ANKRD17: variants seen among roughly 807,000 people sequenced by gnomAD.
ANKRD17 encodes ankyrin repeat domain 17.
In ANKRD17, 19 loss-of-function variants were observed where a neutral mutation model predicts 229.7. That is an observed-to-expected ratio of 0.08 (90% CI 0.06 to 0.12). The LOEUF is 0.12. Ranked by LOEUF, ANKRD17 falls within the 10% of genes least tolerant of loss-of-function variation. ANKRD17 has a pLI of 1.00. For synonymous variants in ANKRD17, 1,112 were observed against 1,146.1 expected (o/e 0.97, Z 0.60); for missense variants, 2,176 against 3,176.8 (o/e 0.68, Z 7.57).
chr4:73,142,283 C>A lies in ANKRD17; in HGVS notation c.2188G>T (p.Asp730Tyr). ...GATGGGGGAGTTAACTGAGTGACAT[C>A]TGGTGGAGGGGCTGAAAGCAAGTTA... ...PNNLLSAPPP[D>Y]VTQLTPPSHD... The change falls in exon 13 of 34, where the codon GAT (aspartate) becomes TAT (tyrosine). Residue 730 changes from aspartate (D) to tyrosine (Y), a missense_variant. By Grantham distance (160) the Asp-to-Tyr change is radical (BLOSUM62 -3). Transcript: ENST00000358602. The A allele has an allele frequency of 6.4e-7, 1 of 1,556,566 alleles. No individual in the cohort carries two copies. Among genetic ancestry groups the A allele is most frequent in the Non-Finnish European group, 8.6e-7 (1 of 1,164,382 alleles).
intron 5 of ANKRD17, among the ~76,000 whole-genome samples, chr4:73,155,040 CAA>C (rs528971172): frequency 5.5e-4 from 33 of 59,574 alleles, no homozygotes; most frequent in African/African-American, 1.2e-3. Flanking sequence ...GACTCCGTCT[CAA>C]AAAAAAAAAA....
At chr4:73,216,440 ATT>A (rs1489638756) in intron 1 of ANKRD17, among the ~76,000 whole-genome samples, 3 of 152,230 alleles carry the variant, frequency 2.0e-5, no homozygotes, top group Non-Finnish European at 4.4e-5. Context: ...ATTTAAAACT[ATT>A]GCTCTAATAA....
rs1402708091 is a variant in ANKRD17 at position 73,153,964 on chromosome 4, T to G, written c.1150A>C (p.Arg384=). ...AGSAGHVEVA[R]LLLENGAGIN... ...CCAGCCCCATTTTCTAGCAGCAATCTGGCTACTTCCACATGTCCAGCACTT... is the reference window on the plus strand; with the variant it reads ...CCAGCCCCATTTTCTAGCAGCAATCGGGCTACTTCCACATGTCCAGCACTT... Residue 384 remains arginine (R), a synonymous_variant, in exon 6 of 34, where the codon AGA becomes CGA. Coordinates refer to ENST00000358602, the MANE Select transcript of ANKRD17 (RefSeq NM_032217.5). 1 of 1,613,534 alleles carries G rather than the reference T, an allele frequency of 6.2e-7. No homozygotes were observed. Among genetic ancestry groups the G allele is most frequent in the Non-Finnish European group, 8.5e-7 (1 of 1,179,750 alleles).
chr4:73,131,539 TTC>T (rs1728199482), intron 16 of ANKRD17, among the ~76,000 whole-genome samples: 1 of 152,216 alleles, frequency 6.6e-6, no homozygotes, highest in African/African-American at 2.4e-5. Flanking sequence ...GTGGACACGT[TTC>T]TGTGATCCCA....
At chr4:73,213,475 A>G (rs1454842351) in intron 1 of ANKRD17, among the ~76,000 whole-genome samples, 1 of 152,222 alleles carries the variant, frequency 6.6e-6, no homozygotes, top group Non-Finnish European at 1.5e-5. Flanking sequence ...TCCAGACAGC[A>G]CAGAACACCA....
At chr4:73,102,847 T>C (rs1338292325) in intron 24 of ANKRD17, 3 of 261,608 alleles carry the variant, frequency 1.1e-5, no homozygotes, top group East Asian at 9.8e-5. Context: ...TTTTTGATCA[T>C]TAATTTGGCG....
chr4:73,258,615 C>A lies in ANKRD17; in HGVS notation c.54G>T (p.Gly18=). 6.7e-7 allele frequency: 1 copy of A among 1,486,982 alleles called. No individual in the cohort carries two copies. Among genetic ancestry groups the A allele is most frequent in the Non-Finnish European group, 8.9e-7 (1 of 1,127,762 alleles). 92.1% of individuals were successfully genotyped at this position (1,486,982 alleles called of 1,614,324 possible). A position where few individuals can be genotyped will look rare whatever the true frequency, so the allele number is the denominator to read the frequency against. ...VAAATAAEGE[G]SPPAVAAVAG... Reference sequence around the variant, plus strand: ...CCACAGCCGCCACCGCCGGGGGGCTCCCTTCTCCTTCTGCAGCCGTCGCCG... The same window carrying A: ...CCACAGCCGCCACCGCCGGGGGGCTACCTTCTCCTTCTGCAGCCGTCGCCG... Residue 18 remains glycine (G), a synonymous_variant, in exon 1 of 34, where the codon GGG becomes GGT. Transcript: ENST00000358602.
chr4:73,125,462 T>C (rs939840586), intron 16 of ANKRD17, 150 bp from the exon 17 acceptor site: 13 of 654,520 alleles, frequency 2.0e-5, no homozygotes, highest in Admixed American at 1.5e-4. Context: ...TGGACGGGCG[T>C]GGTGGCTCAC....
chr4:73,127,710 A>G (rs544748469), intron 16 of ANKRD17, among the ~76,000 whole-genome samples: 116 of 152,354 alleles, frequency 7.6e-4, no homozygotes, highest in African/African-American at 2.7e-3. Flanking sequence ...AAGGTCATAG[A>G]TTCAAAAACT....
intron 24 of ANKRD17, among the ~76,000 whole-genome samples, chr4:73,109,083 T>A (rs1011343960): frequency 1.3e-5 from 2 of 152,164 alleles, no homozygotes; most frequent in African/African-American, 4.8e-5. Context: ...GCAGATTGCC[T>A]GAGGTCAGGA....
rs1006997092 is a variant in ANKRD17, at chr4:73,091,266, G to A, written c.6362C>T (p.Pro2121Leu). 3 of 1,614,050 alleles carry A rather than the reference G, an allele frequency of 1.9e-6. No individual in the cohort carries two copies. The highest frequency in any genetic ancestry group is 2.2e-5 in the East Asian group (1 of 44,900). The stretch of plus-strand genomic sequence containing the variant: ...AGGAACCTGAGACTGCTGAAGAGGT[G>A]GTCTTGGTTCCTGAGAAACAGATCC... ...PPGSVSQEPR[P>L]PLQQSQVPPP... Residue 2121 changes from proline to leucine, a missense_variant, in exon 29 of 34, where the codon CCA becomes CTA. Physicochemically the swap from Pro to Leu is moderately conservative, Grantham distance 98. This residue lies in a region of ANKRD17 where 424 missense variants were observed against 454.0 expected (regional missense o/e 0.93). Transcript: ENST00000358602.
intron 32 of ANKRD17, 85 bp from the exon 33 acceptor site, chr4:73,077,189 G>A (rs1721087402): frequency 7.1e-7 from 1 of 1,399,118 alleles, no homozygotes; most frequent in African/African-American, 1.5e-5. Flanking sequence ...ATTGATATTT[G>A]AAAGTTCACC....
In ANKRD17 at chr4:73,154,070, A is replaced by G. The variant is rs374838355; in HGVS notation, c.1044T>C (p.Asp348=). 264 of 1,611,214 alleles carry G rather than the reference A, an allele frequency of 1.6e-4. No individual in the cohort carries two copies. The highest frequency in any genetic ancestry group is 2.2e-4 in the Non-Finnish European group (254 of 1,178,910). The change falls in exon 6 of 34, where the codon GAT becomes GAC. Residue 348 remains aspartate, a synonymous_variant. Transcript: ENST00000358602. ...CGGATTCCAAGAGCACCTTTACAAC[A>G]TCTACATAGCCTCCAGCACAAGCAT... is the stretch of plus-strand genomic sequence containing the variant. ...LTYACAGGYV[D]VVKVLLESGA...
chr4:73,126,073 G>C (rs1019924761), intron 16 of ANKRD17, among the ~76,000 whole-genome samples: 1 of 152,146 alleles, frequency 6.6e-6, no homozygotes, highest in Non-Finnish European at 1.5e-5. Context: ...ATAGTGCAAG[G>C]AGCAAGTATC....
Position 73,090,782 on chromosome 4 carries a change from A to G in ANKRD17, c.6846T>C (p.Ser2282=). The G allele has an allele frequency of 6.2e-7, 1 of 1,614,220 alleles. No individual in the cohort carries two copies. The highest frequency in any genetic ancestry group is 8.5e-7 in the Non-Finnish European group (1 of 1,180,038). The change falls in exon 29 of 34, where the codon TCT becomes TCC. Residue 2282 remains serine (S), a synonymous_variant. Coordinates refer to ENST00000358602, the MANE Select transcript of ANKRD17 (RefSeq NM_032217.5). ...AATATGAGGATTTTCCTGATAGCAT[A>G]GATTCTGGTGTTGACTGAGATGAAA... ...SVVSSQSTPE[S]MLSGKSSYLP... is the part of the protein sequence containing the mutation.
intron 28 of ANKRD17, among the ~76,000 whole-genome samples, chr4:73,093,519 A>C (rs780032248): frequency 5.3e-5 from 8 of 151,832 alleles, no homozygotes; most frequent in Non-Finnish European, 8.8e-5. Flanking sequence ...CTGAGATTAC[A>C]AGCATGCACC....
At chr4:73,125,597 G>T (rs1727330620) in intron 16 of ANKRD17, among the ~76,000 whole-genome samples, 1 of 152,000 alleles carries the variant, frequency 6.6e-6, no homozygotes, top group Admixed American at 6.6e-5. Context: ...GCCGGGTGTG[G>T]TGGTGCGTGC....
chr4:73,086,919 A>AAAAAAAAAAAATATATATAT (rs1553911000), intron 29 of ANKRD17, among the ~76,000 whole-genome samples: 1 of 12,462 alleles, frequency 8.0e-5, no homozygotes, highest in Non-Finnish European at 1.8e-4. Context: ...AAAAAAAAAA[A>AAAAAAAAAAAATATATATAT]ATATATATAT....
intron 1 of ANKRD17, among the ~76,000 whole-genome samples, chr4:73,213,093 A>G (rs900400930): frequency 6.6e-6 from 1 of 152,204 alleles, no homozygotes; most frequent in Admixed American, 6.6e-5. Flanking sequence ...CAAGTCAAAT[A>G]ATATATAATT....
Sources: allele counts gnomAD v4.1 joint callset (sites outside exome capture counted in the v4.1 genomes callset), GRCh38; gene constraint gnomAD v4.1.1; regional missense constraint gnomAD v4.1.1; transcripts MANE v1.5; gene names NCBI Gene and HGNC (gene_info 2026-07-23, HGNC 2026-07-21).